WWOX: variants seen among roughly 807,000 people sequenced by gnomAD.
WWOX encodes the protein WW domain-containing oxidoreductase.
WWOX carries 69 observed loss-of-function variants against 46.2 expected under a neutral mutation model. The observed-to-expected ratio is 1.49, with a 90% CI of 1.23 to 1.82. The LOEUF (loss-of-function observed/expected upper bound fraction) is 1.82, where lower values mean the gene tolerates loss of function less well. Among genes scored for constraint, WWOX ranks in the 40% most tolerant of loss-of-function variants. WWOX has a pLI of 0.00. For missense variants in WWOX, 919 were observed against 542.6 expected, an observed-to-expected ratio of 1.69 and a Z score of -6.89; for synonymous variants, 359 against 202.6, an observed-to-expected ratio of 1.77 and a Z score of -6.56.
At chr16:78,676,286 C>G (rs775965636) in intron 8 of WWOX, among the ~76,000 whole-genome samples, 9 of 152,046 alleles carry the variant, frequency 5.9e-5, no homozygotes, top group Non-Finnish European at 7.4e-5. Flanking sequence ...TGCTACCATC[C>G]TCTAAAGAAG....
chr16:78,646,130 A>T (rs1000119895), intron 8 of WWOX, among the ~76,000 whole-genome samples: 2 of 152,210 alleles, frequency 1.3e-5, no homozygotes, highest in Non-Finnish European at 2.9e-5. Context: ...CCCATCTGCC[A>T]TGCCAAATAA....
At chr16:79,025,163 G>C (rs1238379283) in intron 8 of WWOX, among the ~76,000 whole-genome samples, 1 of 152,168 alleles carries the variant, frequency 6.6e-6, no homozygotes, top group Non-Finnish European at 1.5e-5. Flanking sequence ...GCAAGGGAAT[G>C]CGGTTCCCCT....
chr16:79,077,382 G>A (rs1476973981), intron 8 of WWOX: 1 of 152,126 alleles, frequency 6.6e-6, no homozygotes, highest in Non-Finnish European at 1.5e-5. Flanking sequence ...CCGACAATGT[G>A]TGGATTAAAA....
chr16:78,470,854 G>T (rs1880733640), intron 8 of WWOX, among the ~76,000 whole-genome samples: 1 of 152,178 alleles, frequency 6.6e-6, no homozygotes, highest in South Asian at 2.1e-4. Flanking sequence ...CTATTGTCCA[G>T]TGTGGTAGGT....
chr16:78,996,509 C>T (rs563204787), intron 8 of WWOX, among the ~76,000 whole-genome samples: 3 of 152,104 alleles, frequency 2.0e-5, no homozygotes, highest in South Asian at 2.1e-4. Context: ...TCATTCTCTC[C>T]CTTTCCCTCT....
intron 8 of WWOX, among the ~76,000 whole-genome samples, chr16:78,719,033 G>C (rs2048633548): frequency 6.6e-6 from 1 of 152,130 alleles, no homozygotes; most frequent in Non-Finnish European, 1.5e-5. Context: ...TGGGTGAAGG[G>C]ACAAGTAGAA....
intron 8 of WWOX, among the ~76,000 whole-genome samples, chr16:79,051,249 G>A (rs1171741872): frequency 6.6e-6 from 1 of 152,166 alleles, no homozygotes; most frequent in Admixed American, 6.5e-5. Context: ...ACTTTTTCTT[G>A]GGAAGTGGAC....
intron 4 of WWOX, 34 bp downstream of exon 4, chr16:78,115,188 C>T: frequency 6.2e-7 from 1 of 1,612,518 alleles, no homozygotes; most frequent in South Asian, 1.1e-5. Context: ...ATCTTTGGGA[C>T]TGCTATAATG....
intron 8 of WWOX, among the ~76,000 whole-genome samples, chr16:78,532,963 G>A (rs1173228390): frequency 1.3e-5 from 2 of 152,224 alleles, no homozygotes; most frequent in South Asian, 2.1e-4. Flanking sequence ...TGAAGCAAGA[G>A]TAGGAGGGAA....
At chr16:78,993,420 C>T (rs2046927114) in intron 8 of WWOX, among the ~76,000 whole-genome samples, 2 of 152,154 alleles carry the variant, frequency 1.3e-5, no homozygotes, top group Non-Finnish European at 2.9e-5. Flanking sequence ...CCTCGCCTCT[C>T]CTCTCGGACA....
chr16:78,746,955 G>A (rs549568820), intron 8 of WWOX, among the ~76,000 whole-genome samples: 1 of 152,034 alleles, frequency 6.6e-6, no homozygotes, highest in Non-Finnish European at 1.5e-5. Flanking sequence ...ATACCATTTA[G>A]AATAAAAATA....
At chr16:78,138,498 C>T (rs1361843244) in intron 4 of WWOX, among the ~76,000 whole-genome samples, 1 of 152,178 alleles carries the variant, frequency 6.6e-6, no homozygotes, top group Non-Finnish European at 1.5e-5. Context: ...AGTGCAAATT[C>T]TTCCTACCTT....
intron 8 of WWOX, among the ~76,000 whole-genome samples, chr16:79,017,614 C>G (rs980555334): frequency 6.6e-6 from 1 of 151,942 alleles, no homozygotes; most frequent in East Asian, 1.9e-4. Context: ...ATGGACAATT[C>G]ATAAATTAAT....
intron 8 of WWOX, among the ~76,000 whole-genome samples, chr16:78,595,066 A>C (rs760987443): frequency 7.9e-5 from 12 of 152,206 alleles, no homozygotes; most frequent in Non-Finnish European, 1.0e-4. Context: ...TGGGGACCCC[A>C]GGGTGGAAGC....
At chr16:78,538,921 G>A (rs191891374) in intron 8 of WWOX, among the ~76,000 whole-genome samples, 61 of 152,300 alleles carry the variant, frequency 4.0e-4, no homozygotes, top group East Asian at 1.2e-3. Flanking sequence ...TTCTTCTGTT[G>A]CAATTTCTTC....
At chr16:79,143,356 G>C (rs1240064107) in intron 8 of WWOX, among the ~76,000 whole-genome samples, 1 of 152,148 alleles carries the variant, frequency 6.6e-6, no homozygotes, top group Non-Finnish European at 1.5e-5. Flanking sequence ...CTATTAAAAT[G>C]TCAGTGTATT....
rs1464647805 is a variant in WWOX at position 78,271,038 on chromosome 16, A to G, written c.516+106749A>G. Among the ~76,000 whole-genome samples the G allele has an allele frequency of 3.9e-5, 6 of 152,326 alleles. No homozygotes were observed. In the East Asian group the frequency reaches 9.6e-4, roughly 24 times the overall value. ...ATGTTGTTTAATTTGGGGCGATTCA[A>G]TATCAAATTAAGATTTTTAGGTTTA... On this transcript the variant is annotated intron_variant, in intron 5 of 8. Transcript: ENST00000566780.
intron 8 of WWOX, among the ~76,000 whole-genome samples, chr16:79,171,562 A>C (rs926688374): frequency 7.2e-5 from 11 of 152,198 alleles, no homozygotes; most frequent in Non-Finnish European, 7.3e-5. Context: ...CAGGTCCCCT[A>C]ACAGTGGGTG....
At chr16:78,386,033 C>G (rs1279094090) in intron 5 of WWOX, among the ~76,000 whole-genome samples, 1 of 152,180 alleles carries the variant, frequency 6.6e-6, no homozygotes, top group African/African-American at 2.4e-5. Context: ...CTTCAAATCC[C>G]GACCTCTCCA....
Sources: allele counts gnomAD v4.1 joint callset (sites outside exome capture counted in the v4.1 genomes callset), GRCh38; gene constraint gnomAD v4.1.1; transcripts MANE v1.5; gene names NCBI Gene and HGNC (gene_info 2026-07-23, HGNC 2026-07-21).